The following NR3C2 variants were observed in gnomAD, a reference collection of about 807,000 sequenced individuals.
NR3C2 encodes the protein mineralocorticoid receptor.
Under a neutral mutation model 86.4 loss-of-function variants are expected in NR3C2, and 15 were observed. That is an observed-to-expected ratio of 0.17 (90% confidence interval 0.12 to 0.27). The LOEUF (loss-of-function observed/expected upper bound fraction) is 0.27. Ranked by LOEUF, NR3C2 falls within the 10% of genes least tolerant of loss-of-function variation. The pLI is 1.00. For synonymous variants in NR3C2, 458 were observed against 450.5 expected (o/e 1.02, Z -0.21); for missense variants, 960 against 1,195.6 (o/e 0.80, Z 2.91).
intron 6 of NR3C2, among the ~76,000 whole-genome samples, chr4:148,127,447 G>A (rs1410996748): frequency 1.3e-5 from 2 of 152,164 alleles, no homozygotes; most frequent in Non-Finnish European, 2.9e-5. Flanking sequence ...GGAAAGAGAA[G>A]CAAGCTCATA....
chr4:148,157,566 G>T (rs965796628), intron 4 of NR3C2, among the ~76,000 whole-genome samples: 3 of 152,102 alleles, frequency 2.0e-5, no homozygotes, highest in Non-Finnish European at 4.4e-5. Flanking sequence ...AGGTGGGAAG[G>T]TTGGGAGGTA....
At chr4:148,135,218 G>A (rs982798033) in intron 6 of NR3C2, among the ~76,000 whole-genome samples, 18 of 152,198 alleles carry the variant, frequency 1.2e-4, no homozygotes, top group African/African-American at 4.3e-4. Flanking sequence ...GTGCTAGTAA[G>A]AGGTGAGGCC....
At chr4:148,357,469 A>G (rs1286040826) in intron 2 of NR3C2, among the ~76,000 whole-genome samples, 1 of 152,178 alleles carries the variant, frequency 6.6e-6, no homozygotes, top group African/African-American at 2.4e-5. Flanking sequence ...TGACTAGACT[A>G]TACATCTCTT....
intron 3 of NR3C2, among the ~76,000 whole-genome samples, chr4:148,207,831 A>T (rs994407982): frequency 9.2e-5 from 14 of 152,100 alleles, no homozygotes; most frequent in African/African-American, 3.4e-4. Context: ...TTTCCTATAC[A>T]CACACACACC....
At chr4:148,289,700 C>T (rs1442798072) in intron 2 of NR3C2, among the ~76,000 whole-genome samples, 1 of 152,098 alleles carries the variant, frequency 6.6e-6, no homozygotes, top group Non-Finnish European at 1.5e-5. Context: ...ACTAATAGAA[C>T]AGAGCAAAAG....
At chr4:148,338,839 TA>T (rs1203749503) in intron 2 of NR3C2, among the ~76,000 whole-genome samples, 1 of 152,126 alleles carries the variant, frequency 6.6e-6, no homozygotes, top group African/African-American at 2.4e-5. Context: ...AATAAAAGCA[TA>T]GGGGCCAAAC....
intron 6 of NR3C2, among the ~76,000 whole-genome samples, chr4:148,138,609 C>T (rs57650062): frequency 0.033 from 5,020 of 152,220 alleles, 297 homozygotes; most frequent in African/African-American, 0.11. Flanking sequence ...GTCTTGAACT[C>T]CTGAGCTCAA....
At chr4:148,150,327 T>C (rs1408467339) in intron 6 of NR3C2, among the ~76,000 whole-genome samples, 1 of 152,242 alleles carries the variant, frequency 6.6e-6, no homozygotes, top group Non-Finnish European at 1.5e-5. Context: ...TGTGTATTTC[T>C]GTTTAAAGAC....
At position 148,296,860 on chromosome 4, in the gene NR3C2, C is replaced by A. The variant is rs138261432; in HGVS notation, c.1758-36743G>T. Among the ~76,000 whole-genome samples the A allele has an allele frequency of 1.5e-4, 23 of 152,246 alleles. No individual in the cohort carries two copies. In the East Asian group the frequency reaches 4.4e-3, roughly 29 times the overall value. ...AGACATTAAAAGCAATGATTACAGC[C>A]AGGCTTGCACTTTCTAGTATATAAA... On this transcript the variant is annotated intron_variant, in intron 2 of 8. Transcript: ENST00000358102.
intron 2 of NR3C2, among the ~76,000 whole-genome samples, chr4:148,421,460 C>T (rs896646547): frequency 6.6e-6 from 1 of 152,174 alleles, no homozygotes; most frequent in African/African-American, 2.4e-5. Flanking sequence ...GGGAAGGGCA[C>T]TCCCCTTTTA....
At position 148,220,969 on chromosome 4, in the gene NR3C2, T is replaced by G. The variant is rs979314666; in HGVS notation, c.1898-26107A>C. Among the ~76,000 whole-genome samples, 4 of 152,320 alleles carry G rather than the reference T, an allele frequency of 2.6e-5. No homozygotes were observed. In the South Asian group the frequency reaches 8.3e-4, roughly 32 times the overall value. On this transcript the variant is annotated intron_variant, in intron 3 of 8. Coordinates refer to ENST00000358102, the MANE Select transcript of NR3C2 (RefSeq NM_000901.5). ...ACATTTCTGAAGGCTTTGAGGCCCT[T>G]GCCATCACATGCTAAGAGGAGTAAA...
At chr4:148,423,760 T>G (rs1036621409) in intron 2 of NR3C2, among the ~76,000 whole-genome samples, 2 of 152,220 alleles carry the variant, frequency 1.3e-5, no homozygotes, top group Admixed American at 1.3e-4. Context: ...TCGAGTGCAG[T>G]GGCACGATCT....
chr4:148,426,093 C>G (rs1263590786), intron 2 of NR3C2, among the ~76,000 whole-genome samples: 1 of 152,186 alleles, frequency 6.6e-6, no homozygotes, highest in South Asian at 2.1e-4. Context: ...TTACTCTGAA[C>G]CTGCCATTTC....
At chr4:148,151,768 T>C (rs1220949551) in intron 6 of NR3C2, among the ~76,000 whole-genome samples, 1 of 152,204 alleles carries the variant, frequency 6.6e-6, no homozygotes, top group African/African-American at 2.4e-5. Flanking sequence ...AATTCAAATA[T>C]TCCCTTTTAA....
chr4:148,194,600 T>C (rs990131625), intron 4 of NR3C2, 146 bp downstream of exon 4: 6 of 626,346 alleles, frequency 9.6e-6, no homozygotes, highest in Non-Finnish European at 1.7e-5. Flanking sequence ...TCTTCTAAAA[T>C]GTTTTAGCAT....
intron 2 of NR3C2, among the ~76,000 whole-genome samples, chr4:148,417,035 G>A (rs1406337979): frequency 2.6e-5 from 4 of 151,820 alleles, no homozygotes; most frequent in Admixed American, 2.0e-4. Flanking sequence ...CCTCCGCCTC[G>A]CAAAGTGCTG....
intron 8 of NR3C2, among the ~76,000 whole-genome samples, chr4:148,099,684 GTTA>G (rs1273441272): frequency 6.6e-6 from 1 of 152,200 alleles, no homozygotes; most frequent in Non-Finnish European, 1.5e-5. Flanking sequence ...GTATTACACA[GTTA>G]TTATTATATT....
chr4:148,285,845 T>C (rs758743825), intron 2 of NR3C2, among the ~76,000 whole-genome samples: 1 of 152,258 alleles, frequency 6.6e-6, no homozygotes, highest in Non-Finnish European at 1.5e-5. Flanking sequence ...AAAAGTGCGA[T>C]GCTTTCTTGC....
At chr4:148,244,674 T>C (rs1739232533) in intron 3 of NR3C2, among the ~76,000 whole-genome samples, 1 of 152,210 alleles carries the variant, frequency 6.6e-6, no homozygotes, top group Admixed American at 6.5e-5. Context: ...AGACCTGGCC[T>C]TGAAGGGAGA....
Sources: gnomAD v4.1 joint callset for allele counts (sites outside exome capture counted in the v4.1 genomes callset) on GRCh38, gnomAD v4.1.1 for gene constraint, MANE v1.5 for transcripts, NCBI Gene and HGNC (gene_info 2026-07-23, HGNC 2026-07-21) for gene names.